PHYHIPL: variants seen among roughly 807,000 people sequenced by gnomAD.
PHYHIPL encodes phytanoyl-CoA 2-hydroxylase interacting protein like, also known as phytanoyl-CoA hydroxylase-interacting protein-like.
A neutral mutation model predicts 33.4 loss-of-function variants in PHYHIPL; 9 were observed. The observed-to-expected ratio is 0.27, with a 90% CI of 0.16 to 0.47. The LOEUF (loss-of-function observed/expected upper bound fraction) is 0.47, where lower values mean the gene tolerates loss of function less well. Among genes scored for constraint, PHYHIPL ranks in the 20% least tolerant of loss-of-function variants. The pLI is 0.99. For missense variants in PHYHIPL, 365 were observed against 460.7 expected, an observed-to-expected ratio of 0.79 and a Z score of 1.90; for synonymous variants, 153 against 154.1, an observed-to-expected ratio of 0.99 and a Z score of 0.05.
chr10:59,244,351 G>C (rs773101788), intron 4 of PHYHIPL, among the ~76,000 whole-genome samples: 1 of 151,976 alleles, frequency 6.6e-6, no homozygotes, highest in Non-Finnish European at 1.5e-5. Context: ...CGGATCACAA[G>C]GTCAAGAGAT....
intron 1 of PHYHIPL, among the ~76,000 whole-genome samples, chr10:59,185,650 C>T (rs1431115802): frequency 6.6e-6 from 1 of 152,134 alleles, no homozygotes; most frequent in African/African-American, 2.4e-5. Context: ...TTTTAATGAT[C>T]GCCATTCTAA....
chr10:59,233,380 G>A (rs543728867), intron 1 of PHYHIPL, among the ~76,000 whole-genome samples: 18 of 151,898 alleles, frequency 1.2e-4, no homozygotes, highest in Non-Finnish European at 1.9e-4. Flanking sequence ...GTTAAGGAAC[G>A]AGTTAAGTAA....
Position 59,247,531 on chromosome 10 carries a change from C to A in PHYHIPL, c.*1940C>A. ...TAAAGTGCTTCCATTTTCATTGTGT[C>A]AAAACTACTTAGCAAGGATGGCAGA... On this transcript the variant is annotated 3_prime_UTR_variant, in exon 5 of 5. Coordinates refer to ENST00000373880, the MANE Select transcript of PHYHIPL (RefSeq NM_032439.4). The A allele has an allele frequency of 1.3e-6, 2 of 1,573,210 alleles. No individual in the cohort carries two copies. The highest frequency in any genetic ancestry group is 2.3e-5 in the South Asian group (2 of 87,588).
At chr10:59,218,033 A>C (rs1337430353) in intron 1 of PHYHIPL, among the ~76,000 whole-genome samples, 2 of 152,136 alleles carry the variant, frequency 1.3e-5, no homozygotes, top group Non-Finnish European at 2.9e-5. Context: ...CATCAGACCC[A>C]AAGTTGCCAG....
chr10:59,236,449 A>C (rs1348735282), intron 2 of PHYHIPL, 34 bp from the exon 3 acceptor site: 2 of 1,378,292 alleles, frequency 1.5e-6, no homozygotes, highest in Non-Finnish European at 1.9e-6. Context: ...GTCTCCCCTC[A>C]TTTTTCTCTC....
At chr10:59,237,262 T>G (rs1840253893) in intron 3 of PHYHIPL, among the ~76,000 whole-genome samples, 1 of 151,974 alleles carries the variant, frequency 6.6e-6, no homozygotes, top group Admixed American at 6.6e-5. Context: ...TGAACCTTAA[T>G]ATTCCATTAG....
At chr10:59,212,234 G>T (rs182298949) in intron 1 of PHYHIPL, among the ~76,000 whole-genome samples, 134 of 152,314 alleles carry the variant, frequency 8.8e-4, no homozygotes, top group African/African-American at 3.1e-3. Flanking sequence ...CTCCGTATCT[G>T]TAAGAAATAG....
intron 1 of PHYHIPL, among the ~76,000 whole-genome samples, chr10:59,219,593 A>G (rs1839707155): frequency 6.6e-6 from 1 of 152,116 alleles, no homozygotes; most frequent in Non-Finnish European, 1.5e-5. Context: ...CACTTTTTGC[A>G]GAAAGAAGTT....
chr10:59,206,820 G>A (rs1839295688), intron 1 of PHYHIPL: 1 of 1,208,594 alleles, frequency 8.3e-7, no homozygotes, highest in East Asian at 6.2e-5. Flanking sequence ...TTCATGGCAA[G>A]TTATTACATT....
In PHYHIPL at chr10:59,247,745, A is replaced by G. The variant is rs1589315129; in HGVS notation, c.*2154A>G. 4 of 1,606,688 alleles carry G rather than the reference A, an allele frequency of 2.5e-6. No homozygotes were observed. In the East Asian group the frequency reaches 6.7e-5, roughly 27 times the overall value. On this transcript the variant is annotated 3_prime_UTR_variant, in exon 5 of 5. Coordinates refer to ENST00000373880, the MANE Select transcript of PHYHIPL (RefSeq NM_032439.4). ...TCTTCCTTTTGTGGACTTCTGCAAA[A>G]CAAAAATACATTTGTTAGTTCACAA... is the stretch of plus-strand genomic sequence containing the variant.
chr10:59,181,306 T>G (rs1310981557), intron 1 of PHYHIPL, among the ~76,000 whole-genome samples: 2 of 152,190 alleles, frequency 1.3e-5, no homozygotes, highest in South Asian at 2.1e-4. Context: ...TTTTCTTAAT[T>G]TCAGTTACAT....
intron 1 of PHYHIPL, among the ~76,000 whole-genome samples, chr10:59,198,920 A>C (rs529700952): frequency 3.9e-5 from 6 of 151,986 alleles, no homozygotes; most frequent in African/African-American, 1.2e-4. Context: ...TTTTTCTTGT[A>C]AATTTGTTTG....
chr10:59,179,836 G>A (rs1838351300), intron 1 of PHYHIPL, among the ~76,000 whole-genome samples: 1 of 134,686 alleles, frequency 7.4e-6, no homozygotes. Context: ...AATTAAGCAA[G>A]ACAGTTACAC....
At position 59,177,369 on chromosome 10, in the gene PHYHIPL, A is replaced by T. The variant is rs935060164; in HGVS notation, c.106+410A>T. On this transcript the variant is annotated intron_variant, in intron 1 of 4. Coordinates refer to ENST00000373880, the MANE Select transcript of PHYHIPL (RefSeq NM_032439.4). ...AACCCCCTTCCCCCAACACACACAC[A>T]CTAGTTGGCATTCTCTTCCAGAAAC... 3.6e-6 allele frequency: 4 copies of T among 1,114,370 alleles called. No individual in the cohort carries two copies. The African/African-American group carries it at 6.3e-5, about 18-fold the overall frequency. 69.0% of individuals were successfully genotyped at this position (1,114,370 alleles called of 1,614,324 possible).
At position 59,223,763 on chromosome 10, in the gene PHYHIPL, G is replaced by A. The variant is rs1246509410; in HGVS notation, c.107-10541G>A. On this transcript the variant is annotated intron_variant, in intron 1 of 4. Transcript: ENST00000373880. ...AGCCTTGACCTCCCCCGGGTCAGGT[G>A]ATCCTCCCACCTCAGCCTCCCAAGT... Among the ~76,000 whole-genome samples, 4 of 151,970 alleles carry A rather than the reference G, an allele frequency of 2.6e-5. No homozygotes were observed. The South Asian group carries it at 8.3e-4, about 32-fold the overall frequency.
intron 1 of PHYHIPL, among the ~76,000 whole-genome samples, chr10:59,179,081 A>G (rs1838330149): frequency 6.6e-6 from 1 of 152,168 alleles, no homozygotes; most frequent in Admixed American, 6.5e-5. Context: ...TGCTTAACTT[A>G]TTTTGTTATC....
At chr10:59,219,630 AT>A (rs1359156718) in intron 1 of PHYHIPL, among the ~76,000 whole-genome samples, 1 of 152,108 alleles carries the variant, frequency 6.6e-6, no homozygotes, top group Non-Finnish European at 1.5e-5. Context: ...ATGTTATTTT[AT>A]TTTATGCAAG....
chr10:59,173,973 A>C (rs868586247), upstream of PHYHIPL, among the ~76,000 whole-genome samples: 14 of 67,384 alleles, frequency 2.1e-4, no homozygotes, highest in African/African-American at 8.4e-4. Context: ...GGAGGAGGGG[A>C]GTATTGTTTT....
At position 59,229,301 on chromosome 10, in the gene PHYHIPL, G is replaced by T. The variant is rs139162611; in HGVS notation, c.107-5003G>T. Among the ~76,000 whole-genome samples the T allele has an allele frequency of 2.8e-4, 42 of 152,226 alleles. 1 individual carries two copies. In the East Asian group the frequency reaches 8.1e-3, roughly 29 times the overall value. On this transcript the variant is annotated intron_variant, in intron 1 of 4. Transcript: ENST00000373880. ...AGAGAAATATTATGTGGTTATATGT[G>T]TATATTGTATATTCATCAGGTAAAT...
Sources: gnomAD v4.1 joint callset for allele counts (sites outside exome capture counted in the v4.1 genomes callset) on GRCh38, gnomAD v4.1.1 for gene constraint, MANE v1.5 for transcripts, NCBI Gene and HGNC (gene_info 2026-07-23, HGNC 2026-07-21) for gene names.